Variants in STAM observed in about 807,000 individuals in gnomAD.
STAM encodes the protein signal transducing adapter molecule 1.
In STAM, 16 loss-of-function variants were observed where a neutral mutation model predicts 63.4. The ratio of observed to expected loss-of-function variants is 0.25; its 90% CI spans 0.17 to 0.38. The LOEUF is 0.38. STAM is among the 10% of genes least tolerant of loss of function. The pLI, the probability that STAM is intolerant of heterozygous loss-of-function variation, is 1.00. For synonymous variants in STAM, 238 were observed against 223.9 expected (o/e 1.06, Z -0.56); for missense variants, 636 against 657.1 (o/e 0.97, Z 0.35).
rs10673746 is a variant in STAM at position 17,666,387 on chromosome 10, AT to A, written c.125+5864del. On this transcript the variant is annotated intron_variant, in intron 2 of 13. Coordinates refer to ENST00000377524, the MANE Select transcript of STAM (RefSeq NM_003473.4). The stretch of plus-strand genomic sequence containing the variant: ...TAAAAATGTTTTTCCTTGGCTTTGT[AT>A]TTTTTTTTTTTTTTTTTTTTTTTTG... 3.7e-3 allele frequency among the ~76,000 whole-genome samples: 321 copies of A among 85,896 alleles called. 1 individual carries two copies. The highest frequency in any genetic ancestry group is 0.015 in the East Asian group (40 of 2,620). 56.4% of individuals were successfully genotyped at this position (85,896 alleles called of 152,430 possible).
intron 8 of STAM, among the ~76,000 whole-genome samples, chr10:17,699,480 T>A (rs1319842992): frequency 6.6e-6 from 1 of 152,234 alleles, no homozygotes; most frequent in Non-Finnish European, 1.5e-5. Flanking sequence ...GCTACTGTTA[T>A]GTTAAATTGT....
At chr10:17,692,337 T>C (rs1306891794) in intron 5 of STAM, among the ~76,000 whole-genome samples, 4 of 152,198 alleles carry the variant, frequency 2.6e-5, no homozygotes, top group Non-Finnish European at 5.9e-5. Flanking sequence ...AGTGATATTT[T>C]AGCTGATTAC....
intron 2 of STAM, among the ~76,000 whole-genome samples, chr10:17,678,260 A>ATTTTTTTTT (rs34286916): frequency 0.014 from 2,162 of 149,986 alleles, 42 homozygotes; most frequent in African/African-American, 0.049. Context: ...ATGTGGTGTA[A>ATTTTTTTTT]TTTTTTTTTT....
chr10:17,681,264 C>T (rs1361419569), intron 2 of STAM, among the ~76,000 whole-genome samples: 2 of 149,870 alleles, frequency 1.3e-5, no homozygotes, highest in Non-Finnish European at 3.0e-5. Context: ...TTTTACTACA[C>T]CCTTAAGTTT....
At chr10:17,655,908 T>C (rs1346089434) in intron 1 of STAM, among the ~76,000 whole-genome samples, 1 of 152,176 alleles carries the variant, frequency 6.6e-6, no homozygotes, top group Non-Finnish European at 1.5e-5. Context: ...TGTTTTGAAA[T>C]ATAATGATTT....
chr10:17,678,462 C>T (rs561815583), intron 2 of STAM, among the ~76,000 whole-genome samples: 4 of 152,206 alleles, frequency 2.6e-5, no homozygotes, highest in African/African-American at 9.6e-5. Flanking sequence ...CCATGTTGGC[C>T]AGGCTGGTCT....
chr10:17,658,282 T>A (rs976220547), intron 1 of STAM, among the ~76,000 whole-genome samples: 3 of 152,186 alleles, frequency 2.0e-5, no homozygotes. Flanking sequence ...TGATTTCTAG[T>A]TTATTCCATT....
At chr10:17,684,998 T>G in intron 4 of STAM, 71 bp downstream of exon 4, 1 of 1,255,524 alleles carries the variant, frequency 8.0e-7, no homozygotes, top group Non-Finnish European at 1.1e-6. Flanking sequence ...GTTTAAATCT[T>G]CACAGAGGAC....
chr10:17,714,884 C>G lies in STAM; in HGVS notation c.*104C>G. 3 of 1,110,728 alleles carry G rather than the reference C, an allele frequency of 2.7e-6. No individual in the cohort carries two copies. Among genetic ancestry groups the G allele is most frequent in the Non-Finnish European group, 4.0e-6 (3 of 742,776 alleles). 68.8% of individuals were successfully genotyped at this position (1,110,728 alleles called of 1,614,324 possible). A position where few individuals can be genotyped will look rare whatever the true frequency, so the allele number is the denominator to read the frequency against. On this transcript the variant is annotated 3_prime_UTR_variant, in exon 14 of 14. Transcript: ENST00000377524. ...GTGTTTATCCTCAGCTTATAGGAAT[C>G]TCTCCAGGTCAACAGGTTCAAATAT...
At chr10:17,694,495 CAT>C (rs2131656890) in intron 6 of STAM, among the ~76,000 whole-genome samples, 1 of 152,212 alleles carries the variant, frequency 6.6e-6, no homozygotes, top group African/African-American at 2.4e-5. Flanking sequence ...GCCTGAGTGA[CAT>C]ATGGTGATGG....
At chr10:17,651,589 A>G (rs1373580636) in intron 1 of STAM, among the ~76,000 whole-genome samples, 2 of 152,122 alleles carry the variant, frequency 1.3e-5, no homozygotes, top group Non-Finnish European at 2.9e-5. Flanking sequence ...TAATGCCTTT[A>G]GGTTATCATT....
At chr10:17,666,385 G>GTTTTTTTTTTTTTTTT (rs1425682476) in intron 2 of STAM, among the ~76,000 whole-genome samples, 9 of 102,328 alleles carry the variant, frequency 8.8e-5, no homozygotes, top group African/African-American at 2.7e-4. Flanking sequence ...CCTTGGCTTT[G>GTTTTTTTTTTTTTTTT]TATTTTTTTT....
intron 4 of STAM, among the ~76,000 whole-genome samples, chr10:17,686,337 T>A (rs971647304): frequency 3.0e-4 from 45 of 152,078 alleles, no homozygotes; most frequent in African/African-American, 9.9e-4. Context: ...TCTGAATGTT[T>A]TACAGTGAAC....
chr10:17,704,701 A>G (rs566160408), intron 10 of STAM, among the ~76,000 whole-genome samples, 183 bp downstream of exon 10: 16 of 152,232 alleles, frequency 1.1e-4, no homozygotes, highest in Admixed American at 2.0e-4. Flanking sequence ...ATAATTTTCT[A>G]TCCAAACGAA....
intron 2 of STAM, among the ~76,000 whole-genome samples, chr10:17,663,831 T>G (rs948858126): frequency 1.2e-4 from 18 of 152,124 alleles, no homozygotes; most frequent in African/African-American, 3.9e-4. Flanking sequence ...CTGTTTAACA[T>G]ACATCTCCAG....
chr10:17,661,993 C>T (rs1325943634), intron 2 of STAM, among the ~76,000 whole-genome samples: 3 of 152,132 alleles, frequency 2.0e-5, no homozygotes, highest in South Asian at 2.1e-4. Flanking sequence ...TGTTACATAT[C>T]GCGTTCCCTT....
chr10:17,701,077 A>AAAATATAATAAAATATG (rs1835973232), intron 9 of STAM, among the ~76,000 whole-genome samples: 1 of 152,202 alleles, frequency 6.6e-6, no homozygotes, highest in Non-Finnish European at 1.5e-5. Flanking sequence ...TATAATATCA[A>AAAATATAATAAAATATG]CTTGGTGACA....
intron 5 of STAM, among the ~76,000 whole-genome samples, 184 bp from the exon 6 acceptor site, chr10:17,693,038 T>C (rs1835607850): frequency 6.6e-6 from 1 of 152,174 alleles, no homozygotes; most frequent in Non-Finnish European, 1.5e-5. Context: ...CTAGTTGCTC[T>C]CTGTGTTCTC....
chr10:17,663,546 C>T (rs948924936), intron 2 of STAM, among the ~76,000 whole-genome samples: 2 of 151,512 alleles, frequency 1.3e-5, no homozygotes, highest in East Asian at 3.9e-4. Context: ...TTTCTTCTTC[C>T]TTCCCTCCTT....
Sources: allele counts gnomAD v4.1 joint callset (sites outside exome capture counted in the v4.1 genomes callset), GRCh38; gene constraint gnomAD v4.1.1; transcripts MANE v1.5; gene names NCBI Gene and HGNC (gene_info 2026-07-23, HGNC 2026-07-21).